The following CCDC148 variants were observed in gnomAD, a reference collection of about 807,000 sequenced individuals.
CCDC148 encodes coiled-coil domain-containing protein 148.
In CCDC148, 89 loss-of-function variants were observed where a neutral mutation model predicts 85.7. The ratio of observed to expected loss-of-function variants is 1.04; its 90% confidence interval spans 0.87 to 1.24. The LOEUF (loss-of-function observed/expected upper bound fraction) is 1.24. CCDC148 is among the 50% of genes most tolerant of loss of function. The pLI, the probability that CCDC148 is intolerant of heterozygous loss-of-function variation, is 0.00. For missense variants in CCDC148, 692 were observed against 671.7 expected (o/e 1.03, Z -0.33); for synonymous variants, 230 against 213.9 (o/e 1.08, Z -0.66).
intron 9 of CCDC148, among the ~76,000 whole-genome samples, chr2:158,269,158 T>C (rs890598873): frequency 4.6e-5 from 7 of 152,176 alleles, no homozygotes; most frequent in African/African-American, 1.2e-4. Context: ...TCATAATGGC[T>C]GTACCAATTT....
intron 1 of CCDC148, among the ~76,000 whole-genome samples, chr2:158,412,547 T>C (rs940720569): frequency 6.6e-6 from 1 of 152,110 alleles, no homozygotes; most frequent in Non-Finnish European, 1.5e-5. Context: ...GAGAGAGGCA[T>C]AGGAATTTTT....
intron 7 of CCDC148, among the ~76,000 whole-genome samples, chr2:158,328,681 T>A (rs1240445666): frequency 6.6e-6 from 1 of 152,186 alleles, no homozygotes; most frequent in Non-Finnish European, 1.5e-5. Context: ...ACCTGTTGTT[T>A]CCTCACTTTT....
intron 10 of CCDC148, among the ~76,000 whole-genome samples, chr2:158,229,595 A>G (rs1346250798): frequency 6.6e-6 from 1 of 152,140 alleles, no homozygotes; most frequent in Non-Finnish European, 1.5e-5. Flanking sequence ...CCTCACTTTC[A>G]TCAGAGCAAA....
intron 1 of CCDC148, among the ~76,000 whole-genome samples, chr2:158,402,210 AG>A (rs1031545233): frequency 9.2e-5 from 14 of 152,104 alleles, no homozygotes; most frequent in African/African-American, 3.4e-4. Context: ...AATTGTTTAA[AG>A]GTACAGAATC....
intron 11 of CCDC148, among the ~76,000 whole-genome samples, chr2:158,211,846 T>C (rs1050501656): frequency 5.3e-5 from 8 of 152,218 alleles, no homozygotes; most frequent in Admixed American, 2.0e-4. Flanking sequence ...AAAATTGCTA[T>C]ATATTGCTTT....
intron 11 of CCDC148, among the ~76,000 whole-genome samples, chr2:158,202,283 C>T (rs17262468): frequency 0.026 from 4,000 of 152,204 alleles, 70 homozygotes; most frequent in Middle Eastern, 0.041. Flanking sequence ...TATAAGTTTG[C>T]TCTGTTTTAG....
At chr2:158,303,067 A>G (rs775165371) in intron 9 of CCDC148, among the ~76,000 whole-genome samples, 1 of 152,178 alleles carries the variant, frequency 6.6e-6, no homozygotes, top group East Asian at 1.9e-4. Flanking sequence ...AGAGAAAGAG[A>G]GCACGAGAGC....
intron 1 of CCDC148, among the ~76,000 whole-genome samples, chr2:158,393,853 T>C (rs1259517470): frequency 6.6e-6 from 1 of 152,100 alleles, no homozygotes; most frequent in Non-Finnish European, 1.5e-5. Flanking sequence ...TCACAAAAAA[T>C]AGAACAGTTT....
At chr2:158,339,271 C>G (rs1470928945) in intron 5 of CCDC148, among the ~76,000 whole-genome samples, 186 bp from the exon 6 acceptor site, 1 of 152,056 alleles carries the variant, frequency 6.6e-6, no homozygotes, top group East Asian at 1.9e-4. Flanking sequence ...GATAAGGCTT[C>G]TAGACATCCC....
At chr2:158,348,455 T>A (rs557522589) in intron 2 of CCDC148, among the ~76,000 whole-genome samples, 45 of 151,610 alleles carry the variant, frequency 3.0e-4, no homozygotes, top group African/African-American at 1.0e-3. Context: ...AAAAGTATAA[T>A]GTACAGACCA....
intron 1 of CCDC148, among the ~76,000 whole-genome samples, chr2:158,371,509 G>A (rs774352527): frequency 1.1e-3 from 163 of 151,836 alleles, no homozygotes; most frequent in Non-Finnish European, 1.8e-3. Flanking sequence ...TCATTATCAA[G>A]GTTTTATTTT....
At chr2:158,310,499 C>G (rs1317126539) in intron 8 of CCDC148, among the ~76,000 whole-genome samples, 1 of 150,870 alleles carries the variant, frequency 6.6e-6, no homozygotes, top group African/African-American at 2.4e-5. Context: ...GACGTGACGG[C>G]TGGGCAGAGG....
At chr2:158,225,791 G>T (rs1367383552) in intron 10 of CCDC148, among the ~76,000 whole-genome samples, 2 of 152,132 alleles carry the variant, frequency 1.3e-5, no homozygotes, top group African/African-American at 4.8e-5. Flanking sequence ...GAATCTCTGG[G>T]ACACATTCAA....
intron 9 of CCDC148, among the ~76,000 whole-genome samples, chr2:158,278,855 G>A (rs1406810918): frequency 6.6e-6 from 1 of 152,208 alleles, no homozygotes; most frequent in South Asian, 2.1e-4. Flanking sequence ...TGACCCCTGA[G>A]CAGCCTAACT....
At chr2:158,291,805 A>T (rs1214385939) in intron 9 of CCDC148, among the ~76,000 whole-genome samples, 1 of 152,228 alleles carries the variant, frequency 6.6e-6, no homozygotes, top group African/African-American at 2.4e-5. Flanking sequence ...GTGCACAAAA[A>T]CTATTTGTTG....
intron 2 of CCDC148, among the ~76,000 whole-genome samples, chr2:158,357,755 A>G (rs1683736690): frequency 6.6e-6 from 1 of 152,206 alleles, no homozygotes; most frequent in African/African-American, 2.4e-5. Flanking sequence ...ATAAAAAAAG[A>G]TATTAACAAT....
At chr2:158,332,857 T>A (rs991753892) in intron 7 of CCDC148, among the ~76,000 whole-genome samples, 2 of 150,686 alleles carry the variant, frequency 1.3e-5, no homozygotes, top group Non-Finnish European at 2.9e-5. Context: ...TAGTTTGTAT[T>A]TCTGTGGGAT....
chr2:158,354,819 A>G (rs1683536104), intron 2 of CCDC148, among the ~76,000 whole-genome samples: 1 of 151,248 alleles, frequency 6.6e-6, no homozygotes, highest in South Asian at 2.1e-4. Flanking sequence ...CATTGATGCA[A>G]AAATCCTCAA....
At chr2:158,449,494 C>T (rs1688303837) in intron 1 of CCDC148, among the ~76,000 whole-genome samples, 1 of 151,624 alleles carries the variant, frequency 6.6e-6, no homozygotes, top group South Asian at 2.1e-4. Flanking sequence ...GTCGCCCAGG[C>T]TGGAGTGCAG....
Sources: allele counts gnomAD v4.1 joint callset (sites outside exome capture counted in the v4.1 genomes callset), GRCh38; gene constraint gnomAD v4.1.1; transcripts MANE v1.5; gene names NCBI Gene and HGNC (gene_info 2026-07-23, HGNC 2026-07-21).